Variants in ARL1 observed in about 807,000 individuals in gnomAD.
ARL1 encodes the protein ADP-ribosylation factor-like protein 1.
In ARL1, 17 loss-of-function variants were observed where a neutral mutation model predicts 30.1. The observed-to-expected ratio is 0.56, with a 90% CI of 0.39 to 0.85. The LOEUF (loss-of-function observed/expected upper bound fraction) is 0.85, where lower values mean the gene tolerates loss of function less well. Among genes scored for constraint, ARL1 ranks in the 40% least tolerant of loss-of-function variants. ARL1 has a pLI of 0.00. For missense variants in ARL1, 102 were observed against 212.6 expected, an observed-to-expected ratio of 0.48 and a Z score of 3.24; for synonymous variants, 58 against 71.7, an observed-to-expected ratio of 0.81 and a Z score of 0.97.
chr12:101,406,218 A>G (rs979490305), intron 1 of ARL1, among the ~76,000 whole-genome samples: 18 of 152,162 alleles, frequency 1.2e-4, no homozygotes, highest in African/African-American at 3.4e-4. Flanking sequence ...CAGAAGATAA[A>G]CCAAATAATA....
intron 3 of ARL1, 126 bp from the exon 4 acceptor site, chr12:101,401,299 A>C (rs1016383815): frequency 1.1e-5 from 7 of 639,216 alleles, no homozygotes; most frequent in African/African-American, 1.8e-5. Context: ...TTTCTGGTGG[A>C]TATATGTACC....
chr12:101,402,052 T>A (rs559604939), intron 3 of ARL1, among the ~76,000 whole-genome samples: 67 of 152,290 alleles, frequency 4.4e-4, no homozygotes, highest in African/African-American at 1.5e-3. Flanking sequence ...GTTTGGAGAA[T>A]GCATTACTAA....
chr12:101,396,242 T>C, intron 5 of ARL1, 157 bp downstream of exon 5: 3 of 898,748 alleles, frequency 3.3e-6, no homozygotes, highest in East Asian at 2.5e-5. Context: ...CAGATGCACC[T>C]GAAGACCAGT....
chr12:101,404,996 C>T (rs111603493), intron 2 of ARL1, among the ~76,000 whole-genome samples: 5,143 of 152,186 alleles, frequency 0.034, 211 homozygotes, highest in African/African-American at 0.093. Flanking sequence ...CTCAGCCTTC[C>T]GAGTAGTTGG....
At position 101,407,702 on chromosome 12, in the gene ARL1, A is replaced by G; in HGVS notation, c.-57T>C. On this transcript the variant is annotated 5_prime_UTR_variant, in exon 1 of 6. Transcript: ENST00000261636. The stretch of plus-strand genomic sequence containing the variant: ...CAGTGATTCCTTGGCCTTCGGCTGC[A>G]GCTCCGAGGCGGTTTCCTCGCAAGC... 1.2e-6 allele frequency: 2 copies of G among 1,609,976 alleles called. No individual in the cohort carries two copies. Among genetic ancestry groups the G allele is most frequent in the African/African-American group, 1.3e-5 (1 of 74,968 alleles).
chr12:101,401,349 AACATTGGCTGGGC>A, intron 3 of ARL1, 176 bp from the exon 4 acceptor site: 1 of 499,138 alleles, frequency 2.0e-6, no homozygotes. Flanking sequence ...AATGTTGATA[AACATTGGCTGGGC>A]ACGGTGGCTC....
chr12:101,404,607 A>G (rs1166207744), intron 2 of ARL1, among the ~76,000 whole-genome samples: 1 of 152,238 alleles, frequency 6.6e-6, no homozygotes, highest in Non-Finnish European at 1.5e-5. Flanking sequence ...GTTTTAGTCC[A>G]TAAATTTAAA....
chr12:101,396,356 C>G, intron 5 of ARL1, 43 bp downstream of exon 5: 1 of 1,611,214 alleles, frequency 6.2e-7, no homozygotes, highest in Non-Finnish European at 8.5e-7. Context: ...TAGCTGCAAG[C>G]ACACACAAAT....
intron 1 of ARL1, chr12:101,406,885 T>C (rs1298461182): frequency 2.0e-5 from 3 of 152,050 alleles, no homozygotes; most frequent in Non-Finnish European, 4.4e-5. Context: ...GAGCAAGAAG[T>C]ATGCTCCCCA....
intron 1 of ARL1, chr12:101,407,286 G>A (rs767141572): frequency 6.5e-6 from 2 of 307,330 alleles, no homozygotes; most frequent in African/African-American, 2.1e-5. Context: ...ACCTGCGACT[G>A]ACGCGTTGCC....
At chr12:101,401,786 C>A (rs1304852098) in intron 3 of ARL1, among the ~76,000 whole-genome samples, 4 of 151,440 alleles carry the variant, frequency 2.6e-5, no homozygotes, top group Non-Finnish European at 5.9e-5. Context: ...AAAAGTTGTA[C>A]ACAGACCTGA....
Position 101,405,843 on chromosome 12 carries a change from C to T in ARL1, c.142+1G>A, listed in dbSNP as rs1161021924. 1 of 1,554,280 alleles carries T rather than the reference C, an allele frequency of 6.4e-7. No homozygotes were observed. Among genetic ancestry groups the T allele is most frequent in the Non-Finnish European group, 8.7e-7 (1 of 1,149,504 alleles). On this transcript the variant is annotated splice_donor_variant, in intron 2 of 5. Coordinates refer to ENST00000261636, the MANE Select transcript of ARL1 (RefSeq NM_001177.6). LOFTEE classifies it high-confidence loss of function. ...AATTAGCTCATCATACCAACACTTA[C>T]TAGGTATAGTAGTAACAACTTCTCC...
At position 101,396,381 on chromosome 12, in the gene ARL1, T is replaced by G. The variant is rs1295918187; in HGVS notation, c.515+18A>C. The G allele has an allele frequency of 7.4e-6, 12 of 1,614,050 alleles. No individual in the cohort carries two copies. Among genetic ancestry groups the G allele is most frequent in the Non-Finnish European group, 1.0e-5 (12 of 1,179,890 alleles). ...CACACACAAATGCACAGATGGCTTC[T>G]GGAAGCATGATACTTGCCATTCCAT... On this transcript the variant is annotated intron_variant, in intron 5 of 5. Coordinates refer to ENST00000261636, the MANE Select transcript of ARL1 (RefSeq NM_001177.6).
chr12:101,404,641 G>A (rs1170234669), intron 2 of ARL1, among the ~76,000 whole-genome samples: 2 of 152,166 alleles, frequency 1.3e-5, no homozygotes, highest in Non-Finnish European at 2.9e-5. Flanking sequence ...GAAATACCCT[G>A]AGTGACAGAC....
intron 4 of ARL1, among the ~76,000 whole-genome samples, chr12:101,400,627 A>T (rs1175004148): frequency 1.3e-5 from 2 of 152,174 alleles, no homozygotes; most frequent in Non-Finnish European, 2.9e-5. Context: ...AAAGAACAGA[A>T]AGAAGGTCAA....
chr12:101,400,188 C>A (rs1473018319), intron 4 of ARL1: 2 of 152,104 alleles, frequency 1.3e-5, no homozygotes, highest in East Asian at 2.0e-4. Flanking sequence ...CCGCCTCGGC[C>A]TCCCAAAGTG....
chr12:101,407,511 T>A, intron 1 of ARL1, 131 bp downstream of exon 1: 2 of 1,233,060 alleles, frequency 1.6e-6, no homozygotes, highest in Admixed American at 4.0e-5. Flanking sequence ...GTGAGTCAAG[T>A]CCTCCGCGAC....
At chr12:101,407,534 G>C in intron 1 of ARL1, 108 bp downstream of exon 1, 2 of 1,455,894 alleles carry the variant, frequency 1.4e-6, no homozygotes, top group Admixed American at 1.9e-5. Context: ...GCCCCCTGAG[G>C]AGCTGGCTAC....
At chr12:101,404,745 C>T (rs1415490171) in intron 2 of ARL1, among the ~76,000 whole-genome samples, 1 of 152,064 alleles carries the variant, frequency 6.6e-6, no homozygotes, top group Non-Finnish European at 1.5e-5. Flanking sequence ...TTCAAGGCAA[C>T]AAATGAAAAA....
Sources: allele counts gnomAD v4.1 joint callset (sites outside exome capture counted in the v4.1 genomes callset), GRCh38; gene constraint gnomAD v4.1.1; transcripts MANE v1.5; gene names NCBI Gene and HGNC (gene_info 2026-07-23, HGNC 2026-07-21).